Variants in CNTNAP2 observed in about 807,000 individuals in gnomAD.
CNTNAP2 encodes the protein contactin associated protein 2, also known as contactin-associated protein-like 2.
A neutral mutation model predicts 155.2 loss-of-function variants in CNTNAP2; 98 were observed. That is an observed-to-expected ratio of 0.63 (90% confidence interval 0.54 to 0.75). The LOEUF (loss-of-function observed/expected upper bound fraction) is 0.75. CNTNAP2 is among the 30% of genes least tolerant of loss of function. The pLI is 0.00. For synonymous variants in CNTNAP2, 651 were observed against 631.2 expected (o/e 1.03, Z -0.47); for missense variants, 1,727 against 1,688.1 (o/e 1.02, Z -0.40).
chr7:147,802,126 A>T (rs1264427548), intron 13 of CNTNAP2, among the ~76,000 whole-genome samples: 1 of 132,588 alleles, frequency 7.5e-6, no homozygotes, highest in Admixed American at 7.6e-5. Context: ...GACGCTCCTC[A>T]CCTCCCAGAC....
At chr7:148,184,018 G>T (rs1474024406) in intron 18 of CNTNAP2, among the ~76,000 whole-genome samples, 1 of 151,984 alleles carries the variant, frequency 6.6e-6, no homozygotes, top group East Asian at 1.9e-4. Context: ...ACGTCTCCTT[G>T]CAGTTTTTTC....
chr7:146,420,531 T>A (rs2129113554), intron 1 of CNTNAP2, among the ~76,000 whole-genome samples: 1 of 152,176 alleles, frequency 6.6e-6, no homozygotes, highest in Middle Eastern at 3.4e-3. Context: ...CTGGCAATAT[T>A]AATGTGTGGG....
At chr7:148,255,854 G>C (rs961004505) in intron 20 of CNTNAP2, among the ~76,000 whole-genome samples, 3 of 152,162 alleles carry the variant, frequency 2.0e-5, no homozygotes, top group Admixed American at 6.5e-5. Context: ...AAGCATTTCT[G>C]GGAAACTGCG....
chr7:146,526,964 G>A (rs1329901403), intron 1 of CNTNAP2, among the ~76,000 whole-genome samples: 1 of 151,876 alleles, frequency 6.6e-6, no homozygotes, highest in Non-Finnish European at 1.5e-5. Flanking sequence ...ATATTGCCCA[G>A]GCTGGTCTCA....
intron 18 of CNTNAP2, among the ~76,000 whole-genome samples, chr7:148,214,846 G>A (rs926584572): frequency 1.3e-5 from 2 of 152,162 alleles, no homozygotes; most frequent in Non-Finnish European, 2.9e-5. Flanking sequence ...TGGGATTACA[G>A]GCGAGAGCCA....
At chr7:147,126,653 A>G (rs1333013615) in intron 6 of CNTNAP2, among the ~76,000 whole-genome samples, 1 of 152,038 alleles carries the variant, frequency 6.6e-6, no homozygotes, top group Non-Finnish European at 1.5e-5. Context: ...TTGTATTTTT[A>G]GTAGAGATGG....
At chr7:146,732,358 C>T (rs191695316) in intron 1 of CNTNAP2, among the ~76,000 whole-genome samples, 10 of 152,232 alleles carry the variant, frequency 6.6e-5, no homozygotes, top group Admixed American at 2.0e-4. Context: ...CATAAATTCA[C>T]CTTGCTGTTC....
At chr7:147,848,318 G>C (rs1049681603) in intron 13 of CNTNAP2, among the ~76,000 whole-genome samples, 1 of 149,990 alleles carries the variant, frequency 6.7e-6, no homozygotes, top group African/African-American at 2.4e-5. Context: ...TTCTTAAGCC[G>C]GTCTGAAAAG....
In CNTNAP2 at chr7:147,142,521, T is replaced by TG. The variant is rs1308544961; in HGVS notation, c.1348+10014dup. Among the ~76,000 whole-genome samples the TG allele has an allele frequency of 7.9e-5, 12 of 152,298 alleles. No homozygotes were observed. The South Asian group carries it at 2.3e-3, about 29-fold the overall frequency. On this transcript the variant is annotated intron_variant, in intron 8 of 23. Coordinates refer to ENST00000361727, the MANE Select transcript of CNTNAP2 (RefSeq NM_014141.6). ...TTGCATCAAAGTTCATCAGGGATAT[T>TG]GGTCTAAAATTCTCTTTTTTTGTTG...
At chr7:147,327,342 T>C (rs1273472152) in intron 9 of CNTNAP2, among the ~76,000 whole-genome samples, 6 of 152,272 alleles carry the variant, frequency 3.9e-5, no homozygotes, top group African/African-American at 9.6e-5. Context: ...CAAGTGGAGA[T>C]TGGAATCTAG....
At chr7:147,567,559 G>C (rs1225744705) in intron 12 of CNTNAP2, among the ~76,000 whole-genome samples, 1 of 152,164 alleles carries the variant, frequency 6.6e-6, no homozygotes, top group Non-Finnish European at 1.5e-5. Flanking sequence ...TAAAGTAAAA[G>C]AGGAGGAGAT....
chr7:147,901,894 A>T (rs999473336), intron 13 of CNTNAP2, among the ~76,000 whole-genome samples: 7 of 152,250 alleles, frequency 4.6e-5, no homozygotes, highest in African/African-American at 1.7e-4. Context: ...AGGCCAAATG[A>T]TAAAGGAGAG....
At chr7:147,552,269 ATT>A (rs1284136701) in intron 11 of CNTNAP2, among the ~76,000 whole-genome samples, 1 of 152,106 alleles carries the variant, frequency 6.6e-6, no homozygotes. Flanking sequence ...TGAAGCTCAC[ATT>A]TTTTAATGGT....
intron 13 of CNTNAP2, among the ~76,000 whole-genome samples, chr7:147,664,821 A>G (rs139782348): frequency 6.6e-6 from 1 of 152,236 alleles, no homozygotes; most frequent in East Asian, 1.9e-4. Flanking sequence ...GCAAGAAAAC[A>G]GGGAATCTAA....
intron 1 of CNTNAP2, among the ~76,000 whole-genome samples, chr7:146,303,749 T>G (rs1251898049): frequency 6.6e-6 from 1 of 152,130 alleles, no homozygotes; most frequent in East Asian, 1.9e-4. Flanking sequence ...TAATCTTGAT[T>G]TGGGGTGAAG....
chr7:148,228,629 C>T (rs1032439472), intron 19 of CNTNAP2, among the ~76,000 whole-genome samples: 5 of 151,838 alleles, frequency 3.3e-5, no homozygotes, highest in Admixed American at 6.6e-5. Context: ...CGAGATCATC[C>T]TGGCTAATAC....
At chr7:147,294,318 C>A (rs1187387385) in intron 8 of CNTNAP2, among the ~76,000 whole-genome samples, 1 of 152,136 alleles carries the variant, frequency 6.6e-6, no homozygotes, top group Non-Finnish European at 1.5e-5. Context: ...TTCATTCTCA[C>A]TTTTTAGAAA....
intron 9 of CNTNAP2, among the ~76,000 whole-genome samples, chr7:147,372,701 G>C (rs2116917402): frequency 6.6e-6 from 1 of 152,120 alleles, no homozygotes; most frequent in East Asian, 1.9e-4. Flanking sequence ...AAAATTGATG[G>C]GAAGGAAGCT....
At chr7:147,781,715 C>G (rs904101147) in intron 13 of CNTNAP2, among the ~76,000 whole-genome samples, 2 of 152,192 alleles carry the variant, frequency 1.3e-5, no homozygotes, top group Non-Finnish European at 2.9e-5. Context: ...GGAAGCCTTT[C>G]ATGCACCTGA....
Sources: allele counts gnomAD v4.1 joint callset (sites outside exome capture counted in the v4.1 genomes callset), GRCh38; gene constraint gnomAD v4.1.1; transcripts MANE v1.5; gene names NCBI Gene and HGNC (gene_info 2026-07-23, HGNC 2026-07-21).